ACSL3: variants seen among roughly 807,000 people sequenced by gnomAD.
ACSL3 encodes the protein acyl-CoA synthetase long chain family member 3.
ACSL3 carries 34 observed loss-of-function variants against 84.7 expected under a neutral mutation model. The observed-to-expected ratio is 0.40, with a 90% CI of 0.31 to 0.53. The LOEUF is 0.53. Among genes scored for constraint, ACSL3 ranks in the 20% least tolerant of loss-of-function variants. The probability of loss-of-function intolerance (pLI) is 0.48; values close to 1 mark genes in which losing one functional copy is unlikely to be tolerated. For missense variants in ACSL3, 680 were observed against 873.1 expected, an observed-to-expected ratio of 0.78 and a Z score of 2.79; for synonymous variants, 315 against 299.4, an observed-to-expected ratio of 1.05 and a Z score of -0.54.
intron 4 of ACSL3, among the ~76,000 whole-genome samples, chr2:222,909,446 G>A (rs1216309808): frequency 6.6e-6 from 1 of 152,258 alleles, no homozygotes; most frequent in African/African-American, 2.4e-5. Context: ...CTCTAGAGCA[G>A]CTGGGTGCTG....
At chr2:222,925,342 CAAAAAA>C (rs34016050) in intron 11 of ACSL3, among the ~76,000 whole-genome samples, 2 of 85,494 alleles carry the variant, frequency 2.3e-5, no homozygotes, top group Admixed American at 2.4e-4. Context: ...ACTCTTGTCT[CAAAAAA>C]AAAAAAAAAA....
chr2:222,872,880 T>C (rs1222257172), intron 1 of ACSL3, among the ~76,000 whole-genome samples: 1 of 151,608 alleles, frequency 6.6e-6, no homozygotes, highest in Non-Finnish European at 1.5e-5. Context: ...TTGGGGAAAA[T>C]CCACAAGAAG....
chr2:222,909,213 A>G, intron 4 of ACSL3, 63 bp downstream of exon 4: 1 of 1,507,088 alleles, frequency 6.6e-7, no homozygotes, highest in Non-Finnish European at 9.0e-7. Context: ...GAAATGAAGT[A>G]AAGGGCAAGC....
intron 12 of ACSL3, among the ~76,000 whole-genome samples, chr2:222,928,174 A>C (rs147390911): frequency 6.6e-6 from 1 of 152,330 alleles, no homozygotes; most frequent in African/African-American, 2.4e-5. Flanking sequence ...ATAATAGTGG[A>C]GGGTTCTTTC....
At chr2:222,924,705 TAAAGTC>T (rs1696828891) in intron 11 of ACSL3, 110 bp downstream of exon 11, 1 of 1,239,264 alleles carries the variant, frequency 8.1e-7, no homozygotes, top group African/African-American at 1.6e-5. Context: ...ATATATTTCA[TAAAGTC>T]AAGAGAACTC....
At position 222,943,106 on chromosome 2, in the gene ACSL3, C is replaced by CAAACAA; in HGVS notation, c.*1455_*1456insCAAAAA. The CAAACAA allele has an allele frequency of 4.8e-6, 1 of 209,678 alleles. No homozygotes were observed. The highest frequency in any genetic ancestry group is 9.5e-6 in the Non-Finnish European group (1 of 105,660). 13.0% of individuals were successfully genotyped at this position (209,678 alleles called of 1,614,324 possible). ...AAATCAAAAAAAAAAAAAACAAAAA[C>CAAACAA]AAAAAAAAAGATGAACCTAGGTCTG... On this transcript the variant is annotated 3_prime_UTR_variant, in exon 17 of 17. Coordinates refer to ENST00000357430, the MANE Select transcript of ACSL3 (RefSeq NM_004457.5).
At position 222,941,489 on chromosome 2, in the gene ACSL3, CATCTT is replaced by C. The variant is rs770535017; in HGVS notation, c.2006-6_2006-2del. 1.3e-6 allele frequency: 2 copies of C among 1,517,956 alleles called. No individual in the cohort carries two copies. The highest frequency in any genetic ancestry group is 2.4e-5 in the East Asian group (1 of 41,812). The allele number at this position is 1,517,956 out of a possible 1,614,324, so 94.0% of individuals were successfully genotyped here. On this transcript the variant is annotated splice_region_variant and splice_polypyrimidine_tract_variant and intron_variant, in intron 16 of 16. Transcript: ENST00000357430. ...TTTTCTTCTTTTCTTTTTTTTTAAT[CATCTT>C]AGCAAGTCTGGAAAAGTTTGAAATT...
rs1697346732 is a variant in ACSL3, at chr2:222,942,728, T to C, written c.*1074T>C. ...GGTAGCTTATTTAAAAAGCACCTTA[T>C]CCTTTCTCCCATAACCTTTGTACAC... On this transcript the variant is annotated 3_prime_UTR_variant, in exon 17 of 17. Coordinates refer to ENST00000357430, the MANE Select transcript of ACSL3 (RefSeq NM_004457.5). The C allele has an allele frequency of 9.4e-6, 2 of 213,022 alleles. No homozygotes were observed. The highest frequency in any genetic ancestry group is 1.4e-4 in the East Asian group (2 of 14,050). 13.2% of individuals were successfully genotyped at this position (213,022 alleles called of 1,614,324 possible). A position where few individuals can be genotyped will look rare whatever the true frequency, so the allele number is the denominator to read the frequency against.
intron 3 of ACSL3, among the ~76,000 whole-genome samples, chr2:222,907,652 C>A (rs1425754917): frequency 6.6e-6 from 1 of 151,490 alleles, no homozygotes; most frequent in African/African-American, 2.4e-5. Flanking sequence ...GTAGTCCCAA[C>A]TGTTTGGGAG....
intron 1 of ACSL3, among the ~76,000 whole-genome samples, chr2:222,878,923 G>A (rs1559278916): frequency 6.6e-6 from 1 of 152,100 alleles, no homozygotes; most frequent in Non-Finnish European, 1.5e-5. Flanking sequence ...CTTAAATTCT[G>A]CACTTCATCA....
At chr2:222,902,663 C>T (rs1282475856) in intron 3 of ACSL3, among the ~76,000 whole-genome samples, 7 of 152,130 alleles carry the variant, frequency 4.6e-5, no homozygotes, top group Non-Finnish European at 1.0e-4. Flanking sequence ...ATGAGGAGGG[C>T]GGAATTTATT....
chr2:222,889,056 AAG>A (rs777964468), intron 2 of ACSL3, among the ~76,000 whole-genome samples: 1 of 152,228 alleles, frequency 6.6e-6, no homozygotes, highest in Non-Finnish European at 1.5e-5. Context: ...AGAATGCATC[AAG>A]AGAGTTTAGC....
chr2:222,882,356 T>C (rs2106094778), intron 1 of ACSL3, among the ~76,000 whole-genome samples: 1 of 152,352 alleles, frequency 6.6e-6, no homozygotes, highest in South Asian at 2.1e-4. Flanking sequence ...CCTGTGTTTC[T>C]GAGACATCTG....
chr2:222,888,878 C>A (rs1695780359), intron 2 of ACSL3, among the ~76,000 whole-genome samples: 1 of 152,146 alleles, frequency 6.6e-6, no homozygotes. Context: ...GTACGCCTCA[C>A]TTTGTTTTAG....
chr2:222,866,742 CTG>C (rs1559273401), intron 1 of ACSL3, among the ~76,000 whole-genome samples: 1 of 8,946 alleles, frequency 1.1e-4, no homozygotes, highest in African/African-American at 3.4e-4. Context: ...TAAAACTGCC[CTG>C]CCCCCCCCGC....
chr2:222,921,452 T>C (rs1489165108), intron 8 of ACSL3, 22 bp downstream of exon 8: 2 of 1,560,710 alleles, frequency 1.3e-6, no homozygotes, highest in Non-Finnish European at 1.8e-6. Context: ...TAAAGTAACA[T>C]TGAGTAGTTA....
In ACSL3 at chr2:222,933,247, C is replaced by T; in HGVS notation, c.1814C>T (p.Pro605Leu). 6.2e-7 allele frequency: 1 copy of T among 1,613,456 alleles called. No homozygotes were observed. The highest frequency in any genetic ancestry group is 8.5e-7 in the Non-Finnish European group (1 of 1,179,726). The change falls in exon 15 of 17, where the codon CCA becomes CTA. Residue 605 changes from proline to leucine, a missense_variant. Transcript: ENST00000357430. ...GTAGAGGCAGCTTTGAAGAATCTTC[C>T]ACTAGTAGATAACATTTGTGCATAT... ...GKVEAALKNL[P>L]LVDNICAYAN...
intron 3 of ACSL3, among the ~76,000 whole-genome samples, chr2:222,906,010 G>A (rs1432905407): frequency 6.6e-6 from 1 of 151,964 alleles, no homozygotes; most frequent in Non-Finnish European, 1.5e-5. Flanking sequence ...CCTTCTTTCT[G>A]TGTGTCATAC....
chr2:222,918,690 T>A (rs555959472), intron 6 of ACSL3, among the ~76,000 whole-genome samples: 1 of 149,186 alleles, frequency 6.7e-6, no homozygotes, highest in African/African-American at 2.5e-5. Flanking sequence ...TGAACAAGTT[T>A]GCATGTGAAT....
Sources: allele counts gnomAD v4.1 joint callset (sites outside exome capture counted in the v4.1 genomes callset), GRCh38; gene constraint gnomAD v4.1.1; transcripts MANE v1.5; gene names NCBI Gene and HGNC (gene_info 2026-07-23, HGNC 2026-07-21).